CAMKMT: variants seen among roughly 807,000 people sequenced by gnomAD.
CAMKMT encodes the protein CaM KMT.
In CAMKMT, 53 loss-of-function variants were observed where a neutral mutation model predicts 48.0. That is an observed-to-expected ratio of 1.10 (90% CI 0.89 to 1.39). The LOEUF (loss-of-function observed/expected upper bound fraction) is 1.39. Ranked by LOEUF, CAMKMT falls within the 40% of genes most tolerant of loss-of-function variation. CAMKMT has a pLI of 0.00. For synonymous variants in CAMKMT, 165 were observed against 152.3 expected, an observed-to-expected ratio of 1.08 and a Z score of -0.61; for missense variants, 428 against 402.7, an observed-to-expected ratio of 1.06 and a Z score of -0.54.
At chr2:44,530,092 C>G (rs1189576675) in intron 3 of CAMKMT, among the ~76,000 whole-genome samples, 1 of 152,140 alleles carries the variant, frequency 6.6e-6, no homozygotes, top group Non-Finnish European at 1.5e-5. Context: ...TTCCTGCATA[C>G]TAGAACAGCT....
intron 3 of CAMKMT, among the ~76,000 whole-genome samples, chr2:44,477,645 AT>A (rs1668756350): frequency 6.6e-6 from 1 of 152,204 alleles, no homozygotes; most frequent in African/African-American, 2.4e-5. Flanking sequence ...AGCTTTTTCT[AT>A]TCCTCCATTT....
intron 3 of CAMKMT, among the ~76,000 whole-genome samples, chr2:44,641,805 G>A (rs1160465358): frequency 1.3e-5 from 2 of 152,106 alleles, no homozygotes; most frequent in Non-Finnish European, 2.9e-5. Context: ...TGATCTGCCC[G>A]GCTTAGCCTC....
At chr2:44,376,868 C>T (rs765680557) in intron 2 of CAMKMT, among the ~76,000 whole-genome samples, 1 of 152,096 alleles carries the variant, frequency 6.6e-6, no homozygotes, top group Admixed American at 6.5e-5. Flanking sequence ...ACAAAACTCC[C>T]AAGGTTTGTT....
Position 44,458,416 on chromosome 2 carries a change from ACCTGTGGTAT to A in CAMKMT, c.376+68112_376+68121del, listed in dbSNP as rs576162170. Among the ~76,000 whole-genome samples the A allele has an allele frequency of 1.8e-4, 28 of 152,232 alleles. No homozygotes were observed. The East Asian group carries it at 5.0e-3, about 27-fold the overall frequency. On this transcript the variant is annotated intron_variant, in intron 3 of 10. Coordinates refer to ENST00000378494, the MANE Select transcript of CAMKMT (RefSeq NM_024766.5). The stretch of plus-strand genomic sequence containing the variant: ...TGTAAATAGAGAGTAATCAAACCAA[ACCTGTGGTAT>A]ATTTCACACGGTTAAATGAGATCAT...
intron 3 of CAMKMT, among the ~76,000 whole-genome samples, chr2:44,479,922 T>C (rs1668880179): frequency 6.6e-6 from 1 of 152,192 alleles, no homozygotes. Flanking sequence ...GGGAAAGATA[T>C]GATGTAAACT....
At chr2:44,555,905 G>C (rs1277869774) in intron 3 of CAMKMT, among the ~76,000 whole-genome samples, 1 of 152,078 alleles carries the variant, frequency 6.6e-6, no homozygotes, top group Non-Finnish European at 1.5e-5. Flanking sequence ...GGTCATTATT[G>C]ATTTTGGCCA....
intron 3 of CAMKMT, among the ~76,000 whole-genome samples, chr2:44,395,305 A>G (rs1203105291): frequency 6.6e-6 from 1 of 152,166 alleles, no homozygotes; most frequent in African/African-American, 2.4e-5. Flanking sequence ...GCATATATGT[A>G]GCATGTGTGT....
chr2:44,375,904 GCCTC>G, intron 2 of CAMKMT, among the ~76,000 whole-genome samples: 1 of 152,178 alleles, frequency 6.6e-6, no homozygotes, highest in Non-Finnish European at 1.5e-5. Flanking sequence ...TCCTGCCTCA[GCCTC>G]CTGAGTAGCT....
At chr2:44,452,878 T>G (rs1361980386) in intron 3 of CAMKMT, among the ~76,000 whole-genome samples, 1 of 152,030 alleles carries the variant, frequency 6.6e-6, no homozygotes, top group East Asian at 1.9e-4. Context: ...TGGATGCCTT[T>G]GGGGTTGTGA....
chr2:44,549,048 T>C (rs183513472), intron 3 of CAMKMT, among the ~76,000 whole-genome samples: 1 of 152,362 alleles, frequency 6.6e-6, no homozygotes, highest in East Asian at 1.9e-4. Context: ...GTTTACATCT[T>C]GCCTGTTCCA....
intron 3 of CAMKMT, among the ~76,000 whole-genome samples, chr2:44,634,420 G>T (rs1673007105): frequency 6.6e-6 from 1 of 151,844 alleles, no homozygotes; most frequent in Non-Finnish European, 1.5e-5. Flanking sequence ...GATATATTTT[G>T]TCCAGTTTTC....
intron 3 of CAMKMT, among the ~76,000 whole-genome samples, chr2:44,399,233 C>CA (rs1360022399): frequency 6.6e-6 from 1 of 151,990 alleles, no homozygotes; most frequent in Non-Finnish European, 1.5e-5. Context: ...TGATTTTCTA[C>CA]AAAAAAGTAT....
intron 3 of CAMKMT, among the ~76,000 whole-genome samples, chr2:44,629,747 G>T (rs1255250419): frequency 6.6e-6 from 1 of 152,080 alleles, no homozygotes. Context: ...AATAAAAGAG[G>T]ACACAAACAA....
intron 3 of CAMKMT, among the ~76,000 whole-genome samples, chr2:44,610,054 C>G (rs1183846961): frequency 6.6e-6 from 1 of 152,140 alleles, no homozygotes; most frequent in Non-Finnish European, 1.5e-5. Flanking sequence ...ACATAATGAC[C>G]TCTTTTTCCC....
At chr2:44,465,799 C>A (rs1342178340) in intron 3 of CAMKMT, among the ~76,000 whole-genome samples, 1 of 152,124 alleles carries the variant, frequency 6.6e-6, no homozygotes, top group Non-Finnish European at 1.5e-5. Flanking sequence ...ATAAGGCACT[C>A]ACTGTAGATA....
intron 2 of CAMKMT, among the ~76,000 whole-genome samples, chr2:44,381,116 C>A (rs578134619): frequency 6.6e-6 from 1 of 152,076 alleles, no homozygotes; most frequent in African/African-American, 2.4e-5. Context: ...GCTAAGATTG[C>A]GCCATTGCAC....
At chr2:44,604,768 G>A (rs1671193204) in intron 3 of CAMKMT, among the ~76,000 whole-genome samples, 1 of 151,960 alleles carries the variant, frequency 6.6e-6, no homozygotes, top group Non-Finnish European at 1.5e-5. Flanking sequence ...TATACTAAAG[G>A]TTTTTGCTTT....
chr2:44,396,365 G>A (rs191875751), intron 3 of CAMKMT, among the ~76,000 whole-genome samples: 2 of 152,190 alleles, frequency 1.3e-5, no homozygotes, highest in East Asian at 1.9e-4. Context: ...AGATGAAGAT[G>A]TATTTTCTTT....
chr2:44,499,243 C>T (rs1669897581), intron 3 of CAMKMT, among the ~76,000 whole-genome samples: 1 of 152,178 alleles, frequency 6.6e-6, no homozygotes, highest in Non-Finnish European at 1.5e-5. Context: ...GAAGCGTCTG[C>T]AGCCATTTAT....
Sources: allele counts gnomAD v4.1 joint callset (sites outside exome capture counted in the v4.1 genomes callset), GRCh38; gene constraint gnomAD v4.1.1; transcripts MANE v1.5; gene names NCBI Gene and HGNC (gene_info 2026-07-23, HGNC 2026-07-21).